CCL3: variants seen among roughly 807,000 people sequenced by gnomAD.
The protein encoded by CCL3 is C-C motif chemokine ligand 3.
CCL3 carries 6 observed loss-of-function variants against 8.1 expected under a neutral mutation model. The observed-to-expected ratio is 0.74, with a 90% CI of 0.41 to 1.46. The LOEUF (loss-of-function observed/expected upper bound fraction) is 1.46. Among genes scored for constraint, CCL3 ranks in the 40% most tolerant of loss-of-function variants. CCL3 has a pLI of 0.02. For missense variants in CCL3, 109 were observed against 117.7 expected (o/e 0.93, Z 0.34); for synonymous variants, 45 against 45.1 (o/e 1.00, Z 0.01).
At chr17:36,088,819 C>T (rs1469016731) in intron 2 of CCL3, 57 bp from the exon 3 acceptor site, 2 of 1,599,168 alleles carry the variant, frequency 1.3e-6, no homozygotes, top group Non-Finnish European at 8.6e-7. Context: ...GAATCCTGGG[C>T]CCACCATGGC....
At chr17:36,089,644 GGA>G in intron 1 of CCL3, 1 of 645,326 alleles carries the variant, frequency 1.5e-6, no homozygotes, top group Admixed American at 2.2e-5. Context: ...AGAGCTCCTG[GGA>G]GACCTAGAGT....
At position 36,089,967 on chromosome 17, in the gene CCL3, C is replaced by G; in HGVS notation, c.73+19G>C. On this transcript the variant is annotated intron_variant, in intron 1 of 2. Transcript: ENST00000613922. ...CATGGCCAGAGAGTGGTGATACCCA[C>G]AACGAAACTCAGACTCACGTGATGC... 1 of 1,611,550 alleles carries G rather than the reference C, an allele frequency of 6.2e-7. No homozygotes were observed. Among genetic ancestry groups the G allele is most frequent in the Non-Finnish European group, 8.5e-7 (1 of 1,177,774 alleles).
intron 2 of CCL3, 33 bp from the exon 3 acceptor site, chr17:36,088,795 G>C (rs1249347453): frequency 1.2e-6 from 2 of 1,612,616 alleles, no homozygotes; most frequent in Non-Finnish European, 1.7e-6. Context: ...TAAGCACTGG[G>C]GAATCCAGCA....
At chr17:36,089,540 T>C (rs1279243985) in intron 1 of CCL3, 2 of 616,394 alleles carry the variant, frequency 3.2e-6, no homozygotes. Flanking sequence ...TGTTCTCTTA[T>C]CTCAGTTCTC....
At position 36,089,780 on chromosome 17, in the gene CCL3, C is replaced by T. The variant is rs2067027189; in HGVS notation, c.73+206G>A. On this transcript the variant is annotated intron_variant, in intron 1 of 2. Transcript: ENST00000613922. The stretch of plus-strand genomic sequence containing the variant: ...AAAAGGGACTGTAACTCCCCTGCCC[C>T]TGCCTAGATTCTCATACCTGGAGAC... The T allele has an allele frequency of 6.6e-5, 48 of 721,942 alleles. No individual in the cohort carries two copies. In the South Asian group the frequency reaches 7.2e-4, roughly 11 times the overall value. The allele number at this position is 721,942 out of a possible 1,614,324, so 44.7% of individuals were successfully genotyped here.
rs1639127277 is a variant in CCL3, at chr17:36,088,431, G to A, written c.*241C>T. The A allele has an allele frequency of 9.3e-6, 5 of 539,824 alleles. No individual in the cohort carries two copies. The highest frequency in any genetic ancestry group is 1.3e-5 in the Non-Finnish European group (4 of 302,072). 33.4% of individuals were successfully genotyped at this position (539,824 alleles called of 1,614,324 possible). ...GTGTGAGGGAAGGGGGAGGGGACAG[G>A]GGAACTCTCAGAGCAAACAATCACA... On this transcript the variant is annotated 3_prime_UTR_variant, in exon 3 of 3. Coordinates refer to ENST00000613922, the MANE Select transcript of CCL3 (RefSeq NM_002983.3).
chr17:36,088,311 C>G lies in CCL3; in HGVS notation c.*361G>C, dbSNP rs111443598. 1,913 of 291,340 alleles carry G rather than the reference C, an allele frequency of 6.6e-3. 41 individuals carry two copies. The highest frequency in any genetic ancestry group is 0.039 in the African/African-American group (1,744 of 44,660). The allele number at this position is 291,340 out of a possible 1,614,324, so 18.0% of individuals were successfully genotyped here. A position where few individuals can be genotyped will look rare whatever the true frequency, so the allele number is the denominator to read the frequency against. On this transcript the variant is annotated 3_prime_UTR_variant, in exon 3 of 3. Transcript: ENST00000613922. ...TCCCCAGGCCGATCACAGCCCTGAA[C>G]AAAAGCATCCGATACACATTTGTCA...
chr17:36,089,966 A>C lies in CCL3; in HGVS notation c.73+20T>G. 6.2e-7 allele frequency: 1 copy of C among 1,610,850 alleles called. No homozygotes were observed. The highest frequency in any genetic ancestry group is 1.1e-5 in the South Asian group (1 of 90,984). ...CCATGGCCAGAGAGTGGTGATACCC[A>C]CAACGAAACTCAGACTCACGTGATG... On this transcript the variant is annotated intron_variant, in intron 1 of 2. Transcript: ENST00000613922.
intron 2 of CCL3, 132 bp from the exon 3 acceptor site, chr17:36,088,894 T>A: frequency 8.2e-7 from 1 of 1,221,860 alleles, no homozygotes; most frequent in Non-Finnish European, 1.2e-6. Flanking sequence ...GCCCCCTGCC[T>A]ATCTCTGTCT....
intron 2 of CCL3, 47 bp from the exon 3 acceptor site, chr17:36,088,809 G>T (rs555235636): frequency 1.2e-6 from 2 of 1,609,568 alleles, no homozygotes; most frequent in African/African-American, 1.3e-5. Flanking sequence ...TCCAGCAGGG[G>T]AATCCTGGGC....
In CCL3 at chr17:36,089,093, G is replaced by A; in HGVS notation, c.188+90C>T. ...ATCCCCGATAGGCTCCTGAAGGCTG[G>A]GCCTTTCCAGGATAGCCTTCTGGCC... On this transcript the variant is annotated intron_variant, in intron 2 of 2. Coordinates refer to ENST00000613922, the MANE Select transcript of CCL3 (RefSeq NM_002983.3). The A allele has an allele frequency of 2.6e-6, 4 of 1,528,056 alleles. No individual in the cohort carries two copies. In the South Asian group the frequency reaches 4.5e-5, roughly 17 times the overall value. 94.7% of individuals were successfully genotyped at this position (1,528,056 alleles called of 1,614,324 possible).
Position 36,088,291 on chromosome 17 carries a change from A to C in CCL3, c.*381T>G, listed in dbSNP as rs1014472741. The C allele has an allele frequency of 1.3e-5, 3 of 229,672 alleles. No individual in the cohort carries two copies. The highest frequency in any genetic ancestry group is 7.0e-5 in the African/African-American group (3 of 42,876). 14.2% of individuals were successfully genotyped at this position (229,672 alleles called of 1,614,324 possible). ...AAAAGAGCATCTTTATTATTTCCCC[A>C]GGCCGATCACAGCCCTGAACAAAAG... On this transcript the variant is annotated 3_prime_UTR_variant, in exon 3 of 3. Transcript: ENST00000613922.
Position 36,089,231 on chromosome 17 carries a change from A to G in CCL3, c.140T>C (p.Ile47Thr), listed in dbSNP as rs146554516. 2.5e-4 allele frequency: 400 copies of G among 1,614,054 alleles called. 3 individuals are homozygous for G. Among genetic ancestry groups the G allele is most frequent in the South Asian group, 1.6e-3 (144 of 91,074 alleles). ...GCTGCTCGTCTCAAAGTAGTCAGCT[A>G]TGAAATTCTGTGGAATCTGCCGGGA... ...YTSRQIPQNF[I>T]ADYFETSSQC... The change falls in exon 2 of 3, where the codon ATA becomes ACA. Residue 47 changes from isoleucine to threonine, a missense_variant. Ile to Thr is a moderately conservative substitution (Grantham distance 89). Coordinates refer to ENST00000613922, the MANE Select transcript of CCL3 (RefSeq NM_002983.3).
intron 1 of CCL3, 125 bp from the exon 2 acceptor site, chr17:36,089,422 C>A: frequency 2.7e-6 from 3 of 1,125,012 alleles, no homozygotes; most frequent in Non-Finnish European, 2.7e-6. Flanking sequence ...GGCATTTGGG[C>A]ATTTTTGCTG....
rs1049200 is a variant in CCL3 at position 36,088,403 on chromosome 17, G to A, written c.*269C>T. The A allele has an allele frequency of 3.5e-5, 17 of 486,420 alleles. No homozygotes were observed. Among genetic ancestry groups the A allele is most frequent in the Non-Finnish European group, 5.1e-5 (14 of 271,864 alleles). The allele number at this position is 486,420 out of a possible 1,614,324, so 30.1% of individuals were successfully genotyped here. ...GACAGCCACTCGGTTGTCACCAGAC[G>A]CGGTGTGAGGGAAGGGGGAGGGGAC... On this transcript the variant is annotated 3_prime_UTR_variant, in exon 3 of 3. Coordinates refer to ENST00000613922, the MANE Select transcript of CCL3 (RefSeq NM_002983.3).
In CCL3 at chr17:36,088,539, T is replaced by C; in HGVS notation, c.*133A>G. On this transcript the variant is annotated 3_prime_UTR_variant, in exon 3 of 3. Coordinates refer to ENST00000613922, the MANE Select transcript of CCL3 (RefSeq NM_002983.3). ...ATTTAAGTTAAGAAGAGTCCCACAGTGTGGCTGTTTGGCAACAACCAGTCC... is the reference window on the plus strand; with the variant it reads ...ATTTAAGTTAAGAAGAGTCCCACAGCGTGGCTGTTTGGCAACAACCAGTCC... The C allele has an allele frequency of 1.2e-6, 1 of 869,092 alleles. No individual in the cohort carries two copies. The highest frequency in any genetic ancestry group is 1.7e-5 in the African/African-American group (1 of 59,050). The allele number at this position is 869,092 out of a possible 1,614,324, so 53.8% of individuals were successfully genotyped here.
chr17:36,088,405 G>A lies in CCL3; in HGVS notation c.*267C>T, dbSNP rs1049199. ...CAGCCACTCGGTTGTCACCAGACGC[G>A]GTGTGAGGGAAGGGGGAGGGGACAG... On this transcript the variant is annotated 3_prime_UTR_variant, in exon 3 of 3. Transcript: ENST00000613922. 1.4e-5 allele frequency: 7 copies of A among 492,940 alleles called. No homozygotes were observed. The highest frequency in any genetic ancestry group is 3.7e-5 in the East Asian group (1 of 26,976). 30.5% of individuals were successfully genotyped at this position (492,940 alleles called of 1,614,324 possible).
chr17:36,089,811 G>A, intron 1 of CCL3, 175 bp downstream of exon 1: 4 of 740,830 alleles, frequency 5.4e-6, no homozygotes, highest in South Asian at 4.5e-5. Flanking sequence ...GAGACTAGGG[G>A]GCTAAGACCC....
intron 1 of CCL3, 116 bp downstream of exon 1, chr17:36,089,870 G>C (rs1395712647): frequency 1.0e-6 from 1 of 967,972 alleles, no homozygotes; most frequent in Admixed American, 2.0e-5. Context: ...CAAGATGTTT[G>C]GCAGCCCTTT....
Sources: allele counts gnomAD v4.1 joint callset, GRCh38; gene constraint gnomAD v4.1.1; transcripts MANE v1.5; gene names NCBI Gene and HGNC (gene_info 2026-07-23, HGNC 2026-07-21).